Variants in APELA observed in about 807,000 individuals in gnomAD.
APELA encodes protein Elabela.
At chr4:164,890,288 C>A (rs555043529) in intron 2 of APELA, among the ~76,000 whole-genome samples, 1 of 152,228 alleles carries the variant, frequency 6.6e-6, no homozygotes, top group South Asian at 2.1e-4. Flanking sequence ...TTAAGGTGTA[C>A]AATTTAATGG....
At chr4:164,887,996 A>C (rs1189633405) in intron 2 of APELA, among the ~76,000 whole-genome samples, 1 of 152,150 alleles carries the variant, frequency 6.6e-6, no homozygotes, top group African/African-American at 2.4e-5. Flanking sequence ...GGCCTGCAAA[A>C]GTCCCTTCCC....
In APELA at chr4:164,877,949, T is replaced by C. The variant is rs181435948; in HGVS notation, c.76+542T>C. 3.7e-3 allele frequency among the ~76,000 whole-genome samples: 564 copies of C among 152,240 alleles called. 1 individual carries two copies. The highest frequency in any genetic ancestry group is 8.8e-3 in the Admixed American group (135 of 15,272). On this transcript the variant is annotated intron_variant, in intron 1 of 2. Coordinates refer to ENST00000507152, the MANE Select transcript of APELA (RefSeq NM_001297550.2). ...ATAAGTGCAGTTTTTATTATTATGC[T>C]TATACAGCTAAAAAGCATCAAAAAT...
chr4:164,898,370 CG>C (rs1304366994), downstream of APELA, among the ~76,000 whole-genome samples: 1 of 150,784 alleles, frequency 6.6e-6, no homozygotes, highest in Non-Finnish European at 1.5e-5. Flanking sequence ...GGCGTGGTGT[CG>C]GGTGCCTGTA....
chr4:164,893,719 G>T (rs1427736457), intron 2 of APELA, among the ~76,000 whole-genome samples: 1 of 152,008 alleles, frequency 6.6e-6, no homozygotes, highest in African/African-American at 2.4e-5. Flanking sequence ...ATATGCCTTT[G>T]CAAAGAACCT....
chr4:164,886,654 G>GAA (rs1730777335), intron 2 of APELA, among the ~76,000 whole-genome samples: 1 of 151,834 alleles, frequency 6.6e-6, no homozygotes, highest in Non-Finnish European at 1.5e-5. Context: ...TAAAAAAAAA[G>GAA]AAAAAGATTA....
At chr4:164,894,313 G>T (rs1730932357) in intron 2 of APELA, among the ~76,000 whole-genome samples, 1 of 151,438 alleles carries the variant, frequency 6.6e-6, no homozygotes, top group African/African-American at 2.4e-5. Context: ...CGACAAACAT[G>T]TATATATTGT....
At chr4:164,887,669 T>C (rs1730799854) in intron 2 of APELA, among the ~76,000 whole-genome samples, 1 of 152,052 alleles carries the variant, frequency 6.6e-6, no homozygotes. Context: ...TGGATTGCAA[T>C]GGTTCCATCT....
intron 2 of APELA, among the ~76,000 whole-genome samples, chr4:164,894,138 C>T (rs1730929489): frequency 6.6e-6 from 1 of 152,130 alleles, no homozygotes; most frequent in African/African-American, 2.4e-5. Context: ...GCCTGGCCAA[C>T]ATGGCAAAAC....
At chr4:164,882,266 G>C (rs1174942891) in intron 2 of APELA, among the ~76,000 whole-genome samples, 1 of 151,934 alleles carries the variant, frequency 6.6e-6, no homozygotes, top group Non-Finnish European at 1.5e-5. Context: ...ACCATACTCG[G>C]CTAATTTTGT....
chr4:164,881,115 C>A (rs1463448077), intron 2 of APELA, among the ~76,000 whole-genome samples: 2 of 152,172 alleles, frequency 1.3e-5, no homozygotes, highest in Non-Finnish European at 2.9e-5. Context: ...GATCTGATAA[C>A]ATAATTCTCA....
At chr4:164,883,348 TCC>T (rs1443487364) in intron 2 of APELA, among the ~76,000 whole-genome samples, 2 of 152,274 alleles carry the variant, frequency 1.3e-5, no homozygotes, top group East Asian at 3.9e-4. Flanking sequence ...AATCTCCTCT[TCC>T]AACTCACAGC....
intron 2 of APELA, among the ~76,000 whole-genome samples, chr4:164,880,836 GTAAACCAAAGGGAAATT>G (rs1235727855): frequency 1.3e-5 from 2 of 152,158 alleles, no homozygotes; most frequent in African/African-American, 4.8e-5. Flanking sequence ...AATCAAGTTT[GTAAACCAAAGGGAAATT>G]TAATTAAAGC....
intron 2 of APELA, among the ~76,000 whole-genome samples, chr4:164,892,772 G>A (rs562934110): frequency 6.6e-6 from 1 of 151,982 alleles, no homozygotes; most frequent in African/African-American, 2.4e-5. Context: ...TTGCTAATTC[G>A]ATCTTTTTTC....
intron 2 of APELA, among the ~76,000 whole-genome samples, chr4:164,893,774 G>T (rs1730922732): frequency 1.3e-5 from 2 of 152,002 alleles, no homozygotes; most frequent in Non-Finnish European, 1.5e-5. Context: ...TACCCCGTCT[G>T]ACACAATCTG....
chr4:164,898,848 T>C (rs1731024449), downstream of APELA: 1 of 152,192 alleles, frequency 6.6e-6, no homozygotes, highest in South Asian at 2.1e-4. Flanking sequence ...ACCCTCTGTT[T>C]AGGGACAGGT....
intron 2 of APELA, among the ~76,000 whole-genome samples, chr4:164,883,984 A>T (rs1473129272): frequency 6.6e-6 from 1 of 151,600 alleles, no homozygotes; most frequent in Non-Finnish European, 1.5e-5. Flanking sequence ...AGAAGAAATA[A>T]AAAGAAGAGA....
chr4:164,882,745 A>G (rs1297850731), intron 2 of APELA, among the ~76,000 whole-genome samples: 1 of 147,472 alleles, frequency 6.8e-6, no homozygotes, highest in Admixed American at 6.8e-5. Context: ...ATCCCTCCCC[A>G]CTCCCCCCAC....
At chr4:164,898,922 G>T (rs548219709), downstream of APELA, 25 of 151,992 alleles carry the variant, frequency 1.6e-4, no homozygotes, top group African/African-American at 6.0e-4. Context: ...GATAACATTT[G>T]AACTCCATTT....
chr4:164,895,324 C>G (rs1730953174), intron 2 of APELA, 92 bp from the exon 3 acceptor site: 2 of 151,970 alleles, frequency 1.3e-5, no homozygotes, highest in Admixed American at 1.3e-4. Flanking sequence ...TTCCATAACT[C>G]ATTATTAAAA....
Sources: gnomAD v4.1 joint callset for allele counts (sites outside exome capture counted in the v4.1 genomes callset) on GRCh38, gnomAD v4.1.1 for gene constraint, MANE v1.5 for transcripts, NCBI Gene and HGNC (gene_info 2026-07-23, HGNC 2026-07-21) for gene names.